The following RBM10 variants were observed in gnomAD, a reference collection of about 807,000 sequenced individuals.
The protein encoded by RBM10 is RNA binding motif protein 10, also known as RNA-binding protein 10.
A neutral mutation model predicts 84.9 loss-of-function variants in RBM10; 1 was observed. The ratio of observed to expected loss-of-function variants is 0.01; its 90% CI spans 0.00 to 0.06. The LOEUF is 0.06. RBM10 is among the 10% of genes least tolerant of loss of function. The pLI is 1.00. For missense variants in RBM10, 438 were observed against 839.0 expected (o/e 0.52, Z 5.90); for synonymous variants, 326 against 344.5 (o/e 0.95, Z 0.60).
intron 2 of RBM10, among the ~76,000 whole-genome samples, chrX:47,148,363 T>C (rs1425042313): frequency 8.9e-6 from 1 of 111,811 alleles, no homozygotes; most frequent in Non-Finnish European, 1.9e-5. Flanking sequence ...TGGCCATTTC[T>C]GAATTTGAGT....
At chrX:47,177,419 C>T (rs980853820) in intron 7 of RBM10, among the ~76,000 whole-genome samples, 12 of 111,672 alleles carry the variant, frequency 1.1e-4, no homozygotes, top group Non-Finnish European at 2.3e-4. Context: ...GCCCTGGGGC[C>T]AGCATTGTGA....
intron 18 of RBM10, 32 bp downstream of exon 18, chrX:47,185,236 C>T (rs2147212270): frequency 8.2e-7 from 1 of 1,212,304 alleles, no homozygotes; most frequent in Non-Finnish European, 1.1e-6. Context: ...GCACCCTGCC[C>T]CACAATCTTG....
At chrX:47,176,210 T>G (rs1239358290) in intron 6 of RBM10, among the ~76,000 whole-genome samples, 4 of 100,746 alleles carry the variant, frequency 4.0e-5, no homozygotes, top group African/African-American at 1.5e-4. Context: ...CGAGTGGGGG[T>G]TTCTCCCCAC....
intron 2 of RBM10, among the ~76,000 whole-genome samples, chrX:47,165,873 A>T (rs1556768773): frequency 2.7e-5 from 3 of 109,881 alleles, no homozygotes; most frequent in Non-Finnish European, 5.7e-5. Context: ...TACAAAAATT[A>T]TCCGGGCGTG....
intron 7 of RBM10, among the ~76,000 whole-genome samples, chrX:47,178,655 A>G (rs184208645): frequency 1.8e-5 from 2 of 112,239 alleles, no homozygotes; most frequent in African/African-American, 3.2e-5. Flanking sequence ...GCGTAGCAGG[A>G]TCCAACCCAG....
At chrX:47,176,664 G>A (rs1935173041) in intron 7 of RBM10, 78 bp downstream of exon 7, 4 of 1,176,918 alleles carry the variant, frequency 3.4e-6, no homozygotes, top group Middle Eastern at 2.4e-4. Flanking sequence ...TTCCTCTCCC[G>A]CTCTTTCTCC....
At chrX:47,170,421 C>T (rs1450486292) in intron 3 of RBM10, among the ~76,000 whole-genome samples, 1 of 113,280 alleles carries the variant, frequency 8.8e-6, no homozygotes, top group East Asian at 2.8e-4. Flanking sequence ...GATTGGGCAA[C>T]AGCCCAGAGC....
chrX:47,169,215 CA>C, intron 2 of RBM10, 99 bp from the exon 3 acceptor site: 2 of 865,009 alleles, frequency 2.3e-6, no homozygotes, highest in Non-Finnish European at 3.2e-6. Flanking sequence ...TATGCTCCTC[CA>C]AAAAAACCAA....
intron 1 of RBM10, 139 bp downstream of exon 1, chrX:47,145,624 TTTTTTTTTTTGG>T (rs1932075588): frequency 4.0e-6 from 2 of 495,833 alleles, no homozygotes; most frequent in African/African-American, 5.6e-5. Context: ...CGGGAGGGTT[TTTTTTTTTTTGG>T]TTTTTTTTTT....
At chrX:47,180,127 C>A (rs782168534) in intron 10 of RBM10, 85 bp from the exon 11 acceptor site, 2 of 1,186,016 alleles carry the variant, frequency 1.7e-6, no homozygotes, top group Non-Finnish European at 2.3e-6. Flanking sequence ...CCTCCCACCG[C>A]GGCTGCCAGC....
chrX:47,182,692 A>G (rs1935633729), intron 17 of RBM10, among the ~76,000 whole-genome samples: 1 of 112,114 alleles, frequency 8.9e-6, no homozygotes, highest in South Asian at 3.8e-4. Context: ...AAAGCCCTGC[A>G]ATGTTTTGTG....
Position 47,145,318 on chromosome X carries a change from C to T in RBM10, c.-293C>T. ...CTGGGAGTAGGCGGCAGTGAGTTTC[C>T]CTGGGAGGGCAGCGCGCTTGGCGCT... is the stretch of plus-strand genomic sequence containing the variant. On this transcript the variant is annotated 5_prime_UTR_variant, in exon 1 of 24. Transcript: ENST00000377604. The T allele has an allele frequency of 1.3e-6, 1 of 756,774 alleles. No individual in the cohort carries two copies. Among genetic ancestry groups the T allele is most frequent in the Non-Finnish European group, 2.0e-6 (1 of 510,360 alleles). 62.4% of individuals were successfully genotyped at this position (756,774 alleles called of 1,213,427 possible).
intron 2 of RBM10, among the ~76,000 whole-genome samples, chrX:47,162,687 A>G (rs1172703690): frequency 5.5e-5 from 6 of 109,899 alleles, no homozygotes; most frequent in Non-Finnish European, 9.5e-5. Flanking sequence ...CAGCCTGGCC[A>G]ACATGATGAA....
intron 2 of RBM10, among the ~76,000 whole-genome samples, chrX:47,154,599 G>A (rs1932945260): frequency 9.2e-6 from 1 of 109,171 alleles, no homozygotes; most frequent in Admixed American, 9.8e-5. Context: ...TTACAGGCCC[G>A]TGCCACCACA....
chrX:47,172,073 T>C (rs1467726467), intron 4 of RBM10, among the ~76,000 whole-genome samples: 1 of 112,287 alleles, frequency 8.9e-6, no homozygotes, highest in Admixed American at 9.5e-5. Flanking sequence ...TATCTCAGGG[T>C]GGGCCATGTG....
At chrX:47,165,816 T>TC (rs1285681573) in intron 2 of RBM10, among the ~76,000 whole-genome samples, 1 of 110,966 alleles carries the variant, frequency 9.0e-6, no homozygotes, top group African/African-American at 3.3e-5. Context: ...GGTCAGGAGT[T>TC]CGAGACCAGC....
Position 47,145,340 on chromosome X carries a change from C to T in RBM10, c.-271C>T. 2 of 883,969 alleles carry T rather than the reference C, an allele frequency of 2.3e-6. No individual in the cohort carries two copies. Among genetic ancestry groups the T allele is most frequent in the Non-Finnish European group, 3.2e-6 (2 of 625,660 alleles). The allele number at this position is 883,969 out of a possible 1,213,427, so 72.8% of individuals were successfully genotyped here. On this transcript the variant is annotated 5_prime_UTR_variant, in exon 1 of 24. Transcript: ENST00000377604. ...TTCCCTGGGAGGGCAGCGCGCTTGG[C>T]GCTTCTCCCCTCCCCCCGATCTGCC...
intron 2 of RBM10, among the ~76,000 whole-genome samples, chrX:47,169,022 G>A (rs1556770342): frequency 4.5e-5 from 5 of 110,515 alleles, no homozygotes; most frequent in Non-Finnish European, 9.5e-5. Flanking sequence ...CTGTATGGGG[G>A]CGGGCCTGAG....
intron 2 of RBM10, among the ~76,000 whole-genome samples, chrX:47,159,907 G>A (rs1933530746): frequency 8.9e-6 from 1 of 112,187 alleles, no homozygotes; most frequent in Non-Finnish European, 1.9e-5. Context: ...GGAGGCCGAG[G>A]CAGGCGGATC....
Sources: allele counts gnomAD v4.1 joint callset (sites outside exome capture counted in the v4.1 genomes callset), GRCh38; gene constraint gnomAD v4.1.1; transcripts MANE v1.5; gene names NCBI Gene and HGNC (gene_info 2026-07-23, HGNC 2026-07-21).